PCDHGB2: variants seen among roughly 807,000 people sequenced by gnomAD.
The protein encoded by PCDHGB2 is protocadherin gamma subfamily B, 2.
PCDHGB2 carries 55 observed loss-of-function variants against 59.3 expected under a neutral mutation model. The observed-to-expected ratio is 0.93, with a 90% CI of 0.75 to 1.16. The LOEUF is 1.16. Among genes scored for constraint, PCDHGB2 ranks in the 50% most tolerant of loss-of-function variants. The pLI, the probability that PCDHGB2 is intolerant of heterozygous loss-of-function variation, is 0.00. For synonymous variants in PCDHGB2, 516 were observed against 512.0 expected, an observed-to-expected ratio of 1.01 and a Z score of -0.11; for missense variants, 1,228 against 1,198.5, an observed-to-expected ratio of 1.02 and a Z score of -0.36.
rs532675537 is a variant in PCDHGB2, at chr5:141,508,584, T to C, written c.2570-2363T>C. Among the ~76,000 whole-genome samples, 87 of 152,266 alleles carry C rather than the reference T, an allele frequency of 5.7e-4. 1 individual carries two copies. Among genetic ancestry groups the C allele is most frequent in the African/African-American group, 1.6e-3 (66 of 41,552 alleles). On this transcript the variant is annotated intron_variant, in intron 3 of 3. Coordinates refer to ENST00000522605, the MANE Select transcript of PCDHGB2 (RefSeq NM_018923.3). The stretch of plus-strand genomic sequence containing the variant: ...TGTCACTTGCACCCACTCGGGGTGC[T>C]ACTCAGAGATCTTGGGTGCACATAG...
intron 1 of PCDHGB2, among the ~76,000 whole-genome samples, chr5:141,449,753 C>T (rs1260240861): frequency 6.6e-6 from 1 of 151,246 alleles, no homozygotes; most frequent in East Asian, 1.9e-4. Context: ...ATTTTTATGA[C>T]ATTTGAGAGT....
chr5:141,489,300 C>G lies in PCDHGB2; in HGVS notation c.2422-5507C>G. The G allele has an allele frequency of 6.3e-7, 1 of 1,585,700 alleles. No individual in the cohort carries two copies. The highest frequency in any genetic ancestry group is 1.2e-5 in the South Asian group (1 of 85,012). Reference sequence around the variant, plus strand: ...AATGGCAAGTGCTGTGCATGTTGTCCTTGTGCTGCTGGGGCTGGGTGTCTG... The same window carrying G: ...AATGGCAAGTGCTGTGCATGTTGTCGTTGTGCTGCTGGGGCTGGGTGTCTG... On this transcript the variant is annotated intron_variant, in intron 1 of 3. Coordinates refer to ENST00000522605, the MANE Select transcript of PCDHGB2 (RefSeq NM_018923.3). This position sits in a 1 kb window ranked among gnomAD's most constrained non-coding sequence, Gnocchi z 4.5.
chr5:141,391,071 T>C (rs905482954), intron 1 of PCDHGB2: 2 of 152,220 alleles, frequency 1.3e-5, no homozygotes, highest in African/African-American at 4.8e-5. Context: ...CCCTAATATA[T>C]AATGTGTAAC....
intron 2 of PCDHGB2, among the ~76,000 whole-genome samples, chr5:141,504,793 C>A (rs1256626821): frequency 9.9e-5 from 15 of 152,166 alleles, no homozygotes; most frequent in Admixed American, 3.9e-4. Context: ...GGGCCTCCTA[C>A]ATCTCCCCCT....
At position 141,400,743 on chromosome 5, in the gene PCDHGB2, C is replaced by T. The variant is rs1404866842; in HGVS notation, c.2421+38187C>T. 6.5e-6 allele frequency: 4 copies of T among 611,214 alleles called. No individual in the cohort carries two copies. In the East Asian group the frequency reaches 1.1e-4, roughly 17 times the overall value. 37.9% of individuals were successfully genotyped at this position (611,214 alleles called of 1,614,324 possible). A position where few individuals can be genotyped will look rare whatever the true frequency, so the allele number is the denominator to read the frequency against. On this transcript the variant is annotated intron_variant, in intron 1 of 3. Coordinates refer to ENST00000522605, the MANE Select transcript of PCDHGB2 (RefSeq NM_018923.3). ...ATTTACAAAGTAGTGAGAGTTTGCTCTTAGCTTCCTCTCTAGCAAAAACAT... is the reference window on the plus strand; with the variant it reads ...ATTTACAAAGTAGTGAGAGTTTGCTTTTAGCTTCCTCTCTAGCAAAAACAT...
chr5:141,426,865 T>G (rs2096965950), intron 1 of PCDHGB2: 1 of 456,600 alleles, frequency 2.2e-6, no homozygotes, highest in African/African-American at 2.0e-5. Flanking sequence ...GAATTAGTGC[T>G]GGAGAAGCCC....
At chr5:141,502,368 G>A (rs2099813930) in intron 2 of PCDHGB2, among the ~76,000 whole-genome samples, 1 of 151,996 alleles carries the variant, frequency 6.6e-6, no homozygotes, top group East Asian at 1.9e-4. Context: ...TATTTTTAAA[G>A]AGTCCAGGCC....
At chr5:141,389,227 C>A (rs1412412051) in intron 1 of PCDHGB2, 1 of 1,613,906 alleles carries the variant, frequency 6.2e-7, no homozygotes, top group Non-Finnish European at 8.5e-7. Context: ...GACAACGCTC[C>A]GGTTTTCTCA....
At chr5:141,403,172 C>G (rs1230059414) in intron 1 of PCDHGB2, 13 of 1,613,900 alleles carry the variant, frequency 8.1e-6, no homozygotes, top group Non-Finnish European at 1.1e-5. Flanking sequence ...TAGGACGCAG[C>G]TTTTCTCTCT....
At chr5:141,406,312 C>G (rs2094792276) in intron 1 of PCDHGB2, among the ~76,000 whole-genome samples, 1 of 152,028 alleles carries the variant, frequency 6.6e-6, no homozygotes, top group African/African-American at 2.4e-5. Context: ...CCACCTCACC[C>G]AGCAAATTCT....
chr5:141,405,233 G>A (rs746061797), intron 1 of PCDHGB2: 10 of 1,613,914 alleles, frequency 6.2e-6, no homozygotes, highest in East Asian at 2.2e-5. Flanking sequence ...CTCCCTCACC[G>A]CTGACTCAAG....
intron 1 of PCDHGB2, among the ~76,000 whole-genome samples, chr5:141,472,718 G>A (rs980710833): frequency 1.3e-5 from 2 of 152,002 alleles, no homozygotes; most frequent in Non-Finnish European, 2.9e-5. Context: ...AGGCGCTGTG[G>A]CTCACACCTG....
Position 141,431,067 on chromosome 5 carries a change from A to G in PCDHGB2, c.2422-63740A>G. The G allele has an allele frequency of 1.2e-6, 2 of 1,614,164 alleles. No homozygotes were observed. Among genetic ancestry groups the G allele is most frequent in the Non-Finnish European group, 1.7e-6 (2 of 1,179,976 alleles). Reference sequence around the variant, plus strand: ...CTCTGTATGGGGGCCATCAAGTGTCAATTAAATCTAGACATTCTGATGGAG... The same window carrying G: ...CTCTGTATGGGGGCCATCAAGTGTCGATTAAATCTAGACATTCTGATGGAG... On this transcript the variant is annotated intron_variant, in intron 1 of 3. Transcript: ENST00000522605. This position sits in a 1 kb window ranked among gnomAD's most constrained non-coding sequence, Gnocchi z 4.8.
rs536313993 is a variant in PCDHGB2, at chr5:141,436,142, T to G, written c.2422-58665T>G. Among the ~76,000 whole-genome samples, 46 of 152,334 alleles carry G rather than the reference T, an allele frequency of 3.0e-4. No homozygotes were observed. The South Asian group carries it at 3.1e-3, about 10-fold the overall frequency. ...CTCTCCTCCATCATCTTGTATGAAC[T>G]ACCAAAATGTTTATCATATGGACAG... On this transcript the variant is annotated intron_variant, in intron 1 of 3. Coordinates refer to ENST00000522605, the MANE Select transcript of PCDHGB2 (RefSeq NM_018923.3).
chr5:141,410,104 C>G, intron 1 of PCDHGB2: 1 of 1,612,582 alleles, frequency 6.2e-7, no homozygotes, highest in Non-Finnish European at 8.5e-7. Context: ...CCTTAGGCGA[C>G]AGGGACGCAG....
In PCDHGB2 at chr5:141,489,537, C is replaced by T. The variant is rs2099688580; in HGVS notation, c.2422-5270C>T. 6.2e-6 allele frequency: 10 copies of T among 1,614,118 alleles called. No homozygotes were observed. Among genetic ancestry groups the T allele is most frequent in the Non-Finnish European group, 8.5e-6 (10 of 1,180,028 alleles). ...ACCGAGAAAGCCTATGTGGAGCCAG[C>T]ACCAGCTGCCTGCTGCCAGTGCAGG... On this transcript the variant is annotated intron_variant, in intron 1 of 3. Transcript: ENST00000522605. This position sits in a 1 kb window ranked among gnomAD's most constrained non-coding sequence, Gnocchi z 4.5.
chr5:141,418,389 A>G (rs768078575), intron 1 of PCDHGB2: 1 of 1,613,996 alleles, frequency 6.2e-7, no homozygotes, highest in South Asian at 1.1e-5. Context: ...CCTAACGAGT[A>G]TTTCTCATTG....
At position 141,487,499 on chromosome 5, in the gene PCDHGB2, G is replaced by C; in HGVS notation, c.2422-7308G>C. 6.2e-7 allele frequency: 1 copy of C among 1,614,152 alleles called. No individual in the cohort carries two copies. The highest frequency in any genetic ancestry group is 1.3e-5 in the African/African-American group (1 of 75,042). ...CCACTCTCATGGCTGTACACCCTTG[G>C]CTTCTGCACCCACTCGGAGTGATAG... On this transcript the variant is annotated intron_variant, in intron 1 of 3. Coordinates refer to ENST00000522605, the MANE Select transcript of PCDHGB2 (RefSeq NM_018923.3). The surrounding 1 kb of genome is among the most constrained non-coding windows in gnomAD (Gnocchi z 5.0).
intron 1 of PCDHGB2, chr5:141,427,815 G>A: frequency 6.5e-7 from 1 of 1,527,760 alleles, no homozygotes; most frequent in Non-Finnish European, 9.0e-7. Context: ...ACAGAGCGGG[G>A]TGGTGGTCGC....
Sources: allele counts gnomAD v4.1 joint callset (sites outside exome capture counted in the v4.1 genomes callset), GRCh38; gene constraint gnomAD v4.1.1; non-coding constraint Gnocchi (gnomAD v3.1); transcripts MANE v1.5; gene names NCBI Gene and HGNC (gene_info 2026-07-23, HGNC 2026-07-21).